CCZ1B: variants seen among roughly 807,000 people sequenced by gnomAD.
The protein encoded by CCZ1B is vacuolar fusion protein CCZ1 homolog B.
In CCZ1B, 25 loss-of-function variants were observed where a neutral mutation model predicts 58.8. The observed-to-expected ratio is 0.43, with a 90% CI of 0.31 to 0.59. The LOEUF (loss-of-function observed/expected upper bound fraction) is 0.59, where lower values mean the gene tolerates loss of function less well. Among genes scored for constraint, CCZ1B ranks in the 20% least tolerant of loss-of-function variants. CCZ1B has a pLI of 0.12. For missense variants in CCZ1B, 180 were observed against 501.5 expected, an observed-to-expected ratio of 0.36 and a Z score of 6.12; for synonymous variants, 66 against 173.2, an observed-to-expected ratio of 0.38 and a Z score of 4.86.
At chr7:6,823,059 A>G (rs1425438738) in intron 5 of CCZ1B, among the ~76,000 whole-genome samples, 1 of 148,260 alleles carries the variant, frequency 6.7e-6, no homozygotes, top group Non-Finnish European at 1.5e-5. Flanking sequence ...TTCCTTGAGC[A>G]CATAGATACA....
intron 5 of CCZ1B, 100 bp from the exon 6 acceptor site, chr7:6,822,464 A>C: frequency 7.0e-7 from 1 of 1,425,610 alleles, no homozygotes; most frequent in Non-Finnish European, 9.3e-7. Context: ...AATTCAGCTC[A>C]TTAAATCTCC....
At chr7:6,825,415 T>A (rs1419375371) in intron 1 of CCZ1B, among the ~76,000 whole-genome samples, 1 of 62,112 alleles carries the variant, frequency 1.6e-5, no homozygotes, top group Non-Finnish European at 3.2e-5. Context: ...ACTTTTCAAT[T>A]TTTTTTTTTT....
At chr7:6,815,599 G>C (rs1275135239) in intron 7 of CCZ1B, among the ~76,000 whole-genome samples, 2 of 148,984 alleles carry the variant, frequency 1.3e-5, no homozygotes, top group Admixed American at 6.7e-5. Flanking sequence ...GAGTAGCTGG[G>C]ACAACTGGTG....
intron 7 of CCZ1B, among the ~76,000 whole-genome samples, chr7:6,818,695 CAAGAAAGAAAGAAAGACAAG>C (rs1783057368): frequency 5.0e-5 from 3 of 59,466 alleles, no homozygotes; most frequent in Non-Finnish European, 9.3e-5. Context: ...GAAAGAAAGA[CAAGAAAGAAAGAAAGACAAG>C]AAAGAAAGAA....
At chr7:6,817,779 G>A (rs1409299326) in intron 7 of CCZ1B, among the ~76,000 whole-genome samples, 4 of 149,572 alleles carry the variant, frequency 2.7e-5, no homozygotes, top group African/African-American at 1.0e-4. Flanking sequence ...CTGGGAGGCC[G>A]AGGTGGGCGG....
chr7:6,817,554 G>C (rs1186251745), intron 7 of CCZ1B, among the ~76,000 whole-genome samples: 1 of 149,718 alleles, frequency 6.7e-6, no homozygotes, highest in Non-Finnish European at 1.5e-5. Context: ...ATCTGTGGAG[G>C]AGCCATCCCT....
chr7:6,823,512 GTTCTT>G lies in CCZ1B; in HGVS notation c.391-157_391-153del. ...TTGCGTGCTGAAAAAAAGTGTTTGC[GTTCTT>G]TTTTTTTTTTTTTTTTTTTGAGATG... On this transcript the variant is annotated intron_variant, in intron 4 of 14. Coordinates refer to ENST00000316731, the MANE Select transcript of CCZ1B (RefSeq NM_198097.5). 6 of 776,998 alleles carry G rather than the reference GTTCTT, an allele frequency of 7.7e-6. No homozygotes were observed. In the African/African-American group the frequency reaches 1.3e-4, roughly 17 times the overall value. The allele number at this position is 776,998 out of a possible 1,614,324, so 48.1% of individuals were successfully genotyped here. A position where few individuals can be genotyped will look rare whatever the true frequency, so the allele number is the denominator to read the frequency against.
Position 6,814,360 on chromosome 7 carries a change from C to G in CCZ1B, c.780+404G>C, listed in dbSNP as rs60913212. 1.5e-3 allele frequency among the ~76,000 whole-genome samples: 218 copies of G among 149,050 alleles called. 9 individuals are homozygous for G. Among genetic ancestry groups the G allele is most frequent in the African/African-American group, 4.8e-3 (189 of 39,324 alleles). On this transcript the variant is annotated intron_variant, in intron 8 of 14. Transcript: ENST00000316731. ...GACCAGCCTGGCCAACATAGTGAAA[C>G]CTGTCTCTACTAAAAATACAAAAAA...
At chr7:6,809,360 AAAGTCATT>A (rs1166195159) in intron 10 of CCZ1B, among the ~76,000 whole-genome samples, 2 of 132,746 alleles carry the variant, frequency 1.5e-5, no homozygotes, top group Non-Finnish European at 3.1e-5. Context: ...ATTGTATCTC[AAAGTCATT>A]AAGAAAAAGG....
chr7:6,812,831 C>T, intron 9 of CCZ1B, 145 bp downstream of exon 9: 4 of 1,476,424 alleles, frequency 2.7e-6, no homozygotes, highest in Non-Finnish European at 3.7e-6. Context: ...GAGGCTGAGG[C>T]ATGAGAATCA....
chr7:6,809,527 T>C (rs1318171852), intron 10 of CCZ1B, among the ~76,000 whole-genome samples: 22 of 143,908 alleles, frequency 1.5e-4, no homozygotes, highest in East Asian at 3.9e-4. Flanking sequence ...CAAAGGAGGA[T>C]GATTTTTTTC....
chr7:6,817,395 G>A (rs1477845107), intron 7 of CCZ1B, among the ~76,000 whole-genome samples: 1 of 150,858 alleles, frequency 6.6e-6, no homozygotes, highest in Non-Finnish European at 1.5e-5. Flanking sequence ...CGGGGCTTGT[G>A]TTCTGTCCCA....
At chr7:6,820,872 A>G (rs1272012558) in intron 6 of CCZ1B, among the ~76,000 whole-genome samples, 1 of 144,602 alleles carries the variant, frequency 6.9e-6, no homozygotes, top group African/African-American at 2.6e-5. Context: ...CCAAGATCAC[A>G]CCATTGCACT....
chr7:6,808,590 T>TG (rs1443852678), intron 10 of CCZ1B, among the ~76,000 whole-genome samples: 48 of 150,564 alleles, frequency 3.2e-4, no homozygotes, highest in Non-Finnish European at 6.2e-4. Flanking sequence ...TCCTTCCCCC[T>TG]GGTTTTGTTT....
chr7:6,800,580 G>T (rs1335373659), intron 14 of CCZ1B, among the ~76,000 whole-genome samples: 2 of 136,252 alleles, frequency 1.5e-5, no homozygotes, highest in African/African-American at 5.7e-5. Context: ...GAGGTGGGAG[G>T]ACTGCTTGAT....
intron 7 of CCZ1B, among the ~76,000 whole-genome samples, chr7:6,815,366 G>A (rs1175895818): frequency 2.7e-5 from 4 of 149,302 alleles, no homozygotes; most frequent in African/African-American, 7.6e-5. Flanking sequence ...GTCTTGCTAC[G>A]TTGCCAGGCT....
chr7:6,810,494 C>T (rs1316098623), intron 10 of CCZ1B, among the ~76,000 whole-genome samples: 1 of 148,106 alleles, frequency 6.8e-6, no homozygotes, highest in Non-Finnish European at 1.5e-5. Flanking sequence ...ACTCTGTCAC[C>T]CAGGCTAGAA....
At chr7:6,810,614 G>A (rs1782904115) in intron 10 of CCZ1B, among the ~76,000 whole-genome samples, 1 of 148,050 alleles carries the variant, frequency 6.8e-6, no homozygotes, top group Admixed American at 6.7e-5. Context: ...TGCCATGCCT[G>A]GCTAATTTTT....
chr7:6,818,553 A>C (rs1305344438), intron 7 of CCZ1B, among the ~76,000 whole-genome samples: 1 of 108,248 alleles, frequency 9.2e-6, no homozygotes, highest in African/African-American at 3.0e-5. Flanking sequence ...GTTAGAAAGA[A>C]AGAAAGAAAG....
Sources: allele counts gnomAD v4.1 joint callset (sites outside exome capture counted in the v4.1 genomes callset), GRCh38; gene constraint gnomAD v4.1.1; transcripts MANE v1.5; gene names NCBI Gene and HGNC (gene_info 2026-07-23, HGNC 2026-07-21).